The following GUCY1A2 variants were observed in gnomAD, a reference collection of about 807,000 sequenced individuals.
The protein encoded by GUCY1A2 is guanylate cyclase 1 soluble subunit alpha 2.
Under a neutral mutation model 63.5 loss-of-function variants are expected in GUCY1A2, and 27 were observed. The ratio of observed to expected loss-of-function variants is 0.43; its 90% confidence interval spans 0.31 to 0.59. GUCY1A2 has a LOEUF of 0.59. GUCY1A2 is among the 20% of genes least tolerant of loss of function. GUCY1A2 has a pLI of 0.11. For missense variants in GUCY1A2, 768 were observed against 913.3 expected (o/e 0.84, Z 2.05); for synonymous variants, 364 against 343.5 (o/e 1.06, Z -0.66).
At chr11:106,916,535 C>T (rs1472009241) in intron 4 of GUCY1A2, among the ~76,000 whole-genome samples, 8 of 145,214 alleles carry the variant, frequency 5.5e-5, no homozygotes, top group African/African-American at 2.0e-4. Context: ...CCTTCATGTT[C>T]CTGCTTAAAG....
intron 6 of GUCY1A2, among the ~76,000 whole-genome samples, chr11:106,775,203 A>T (rs555291706): frequency 9.2e-5 from 14 of 152,294 alleles, no homozygotes; most frequent in African/African-American, 3.4e-4. Flanking sequence ...GTCAGGAAGA[A>T]TTTTTTGTGA....
chr11:106,796,143 T>G (rs1001150023), intron 5 of GUCY1A2, among the ~76,000 whole-genome samples: 1 of 152,212 alleles, frequency 6.6e-6, no homozygotes, highest in Non-Finnish European at 1.5e-5. Flanking sequence ...CTGCCTTTTT[T>G]GTTTTCCATT....
intron 1 of GUCY1A2, among the ~76,000 whole-genome samples, chr11:107,011,562 T>C (rs1371548164): frequency 3.4e-5 from 5 of 145,784 alleles, no homozygotes; most frequent in Admixed American, 6.9e-5. Flanking sequence ...ATATTTATAA[T>C]ATATACACAT....
At chr11:106,998,784 A>T (rs1861573564) in intron 1 of GUCY1A2, among the ~76,000 whole-genome samples, 1 of 143,572 alleles carries the variant, frequency 7.0e-6, no homozygotes, top group South Asian at 2.3e-4. Context: ...CTAAAGTAGC[A>T]GTAATAGTTC....
intron 5 of GUCY1A2, among the ~76,000 whole-genome samples, chr11:106,779,143 C>T (rs1190609270): frequency 6.6e-6 from 1 of 152,076 alleles, no homozygotes; most frequent in Non-Finnish European, 1.5e-5. Flanking sequence ...AGGAAATATG[C>T]ATTAAAACTG....
At position 106,742,339 on chromosome 11, in the gene GUCY1A2, C is replaced by CCACT. The variant is rs1330055256; in HGVS notation, c.1837-33677_1837-33674dup. 2.0e-5 allele frequency among the ~76,000 whole-genome samples: 3 copies of CCACT among 152,166 alleles called. No individual in the cohort carries two copies. The East Asian group carries it at 5.8e-4, about 29-fold the overall frequency. On this transcript the variant is annotated intron_variant, in intron 6 of 7. Transcript: ENST00000526355. ...ATTCTTCCTGATGCTCTCCCTCATT[C>CCACT]CACTCACTACCCACTGAAGGGCCCC...
At chr11:106,959,922 C>G (rs1035372437) in intron 3 of GUCY1A2, among the ~76,000 whole-genome samples, 3 of 152,180 alleles carry the variant, frequency 2.0e-5, no homozygotes, top group African/African-American at 7.2e-5. Context: ...TGAAGTTTGC[C>G]TGGTGGGATC....
chr11:107,013,416 G>A (rs1340101225), intron 1 of GUCY1A2, among the ~76,000 whole-genome samples: 2 of 152,088 alleles, frequency 1.3e-5, no homozygotes, highest in East Asian at 1.9e-4. Flanking sequence ...TAAATAAGTC[G>A]CTAAGTTCAC....
intron 5 of GUCY1A2, among the ~76,000 whole-genome samples, chr11:106,785,983 G>A (rs1864549386): frequency 6.6e-6 from 1 of 151,788 alleles, no homozygotes; most frequent in African/African-American, 2.4e-5. Context: ...TCCATCCATA[G>A]GGTAATAAAC....
At chr11:106,731,878 A>T (rs889809126) in intron 6 of GUCY1A2, among the ~76,000 whole-genome samples, 2 of 152,098 alleles carry the variant, frequency 1.3e-5, no homozygotes, top group Admixed American at 1.3e-4. Flanking sequence ...TTTACAAAAC[A>T]CTGCTCAAAG....
intron 6 of GUCY1A2, among the ~76,000 whole-genome samples, chr11:106,712,036 G>C (rs891437053): frequency 2.0e-5 from 3 of 151,538 alleles, no homozygotes; most frequent in Non-Finnish European, 4.4e-5. Flanking sequence ...TGTGTTTTGG[G>C]TTTGTTGAGC....
intron 4 of GUCY1A2, among the ~76,000 whole-genome samples, chr11:106,900,202 TGA>T (rs1429507634): frequency 3.9e-5 from 6 of 152,212 alleles, no homozygotes; most frequent in African/African-American, 1.4e-4. Context: ...ATTATTATTT[TGA>T]GACAGGGTCT....
At chr11:106,842,664 T>C (rs1859215867) in intron 4 of GUCY1A2, among the ~76,000 whole-genome samples, 1 of 151,982 alleles carries the variant, frequency 6.6e-6, no homozygotes, top group Admixed American at 6.6e-5. Flanking sequence ...CATCTGTATT[T>C]AGAGCGGAGC....
In GUCY1A2 at chr11:106,686,077, GA is replaced by G; in HGVS notation, c.*1471del. 4.6e-6 allele frequency: 1 copy of G among 215,488 alleles called. No homozygotes were observed. The highest frequency in any genetic ancestry group is 9.4e-6 in the Non-Finnish European group (1 of 106,720). The allele number at this position is 215,488 out of a possible 1,614,324, so 13.3% of individuals were successfully genotyped here. A position where few individuals can be genotyped will look rare whatever the true frequency, so the allele number is the denominator to read the frequency against. ...GTAGACATAAGCTATCAATGAGTAA[GA>G]AAATGACCTCTCCAAGGCTTAAAGG... On this transcript the variant is annotated 3_prime_UTR_variant, in exon 8 of 8. Coordinates refer to ENST00000526355, the MANE Select transcript of GUCY1A2 (RefSeq NM_000855.3).
At chr11:106,773,557 G>A (rs1163779847) in intron 6 of GUCY1A2, among the ~76,000 whole-genome samples, 1 of 152,166 alleles carries the variant, frequency 6.6e-6, no homozygotes, top group African/African-American at 2.4e-5. Context: ...GAAATGCTGG[G>A]TTGTAGGACA....
At chr11:106,968,601 T>C (rs1326554478) in intron 3 of GUCY1A2, among the ~76,000 whole-genome samples, 1 of 152,178 alleles carries the variant, frequency 6.6e-6, no homozygotes, top group African/African-American at 2.4e-5. Flanking sequence ...CAGTTTATTT[T>C]CATGCCTGTT....
At chr11:106,869,787 C>A (rs1290116506) in intron 4 of GUCY1A2, among the ~76,000 whole-genome samples, 2 of 152,120 alleles carry the variant, frequency 1.3e-5, no homozygotes, top group Non-Finnish European at 2.9e-5. Context: ...AATCATGCTG[C>A]TATAAAGACA....
intron 6 of GUCY1A2, among the ~76,000 whole-genome samples, chr11:106,724,793 C>T (rs1863376187): frequency 6.6e-6 from 1 of 152,150 alleles, no homozygotes; most frequent in Non-Finnish European, 1.5e-5. Flanking sequence ...CTATCCTCAT[C>T]ATCTCTGGCA....
intron 4 of GUCY1A2, among the ~76,000 whole-genome samples, chr11:106,879,629 A>G (rs1859796991): frequency 1.3e-5 from 2 of 152,034 alleles, no homozygotes; most frequent in South Asian, 4.1e-4. Context: ...TGAGAAAGAG[A>G]TGGGCCTAAA....
Sources: allele counts gnomAD v4.1 joint callset (sites outside exome capture counted in the v4.1 genomes callset), GRCh38; gene constraint gnomAD v4.1.1; transcripts MANE v1.5; gene names NCBI Gene and HGNC (gene_info 2026-07-23, HGNC 2026-07-21).